GRSF1: variants seen among roughly 807,000 people sequenced by gnomAD.
GRSF1 encodes G-rich sequence factor 1.
A neutral mutation model predicts 51.1 loss-of-function variants in GRSF1; 50 were observed. That is an observed-to-expected ratio of 0.98 (90% CI 0.78 to 1.24). The LOEUF (loss-of-function observed/expected upper bound fraction) is 1.24. GRSF1 is among the 50% of genes most tolerant of loss of function. The pLI, the probability that GRSF1 is intolerant of heterozygous loss-of-function variation, is 0.00. For missense variants in GRSF1, 700 were observed against 639.7 expected (o/e 1.09, Z -1.02); for synonymous variants, 293 against 253.3 (o/e 1.16, Z -1.49).
rs189988506 is a variant in GRSF1, at chr4:70,829,588, C to T, written c.951-1552G>A. Among the ~76,000 whole-genome samples, 18 of 152,044 alleles carry T rather than the reference C, an allele frequency of 1.2e-4. No individual in the cohort carries two copies. In the East Asian group the frequency reaches 2.5e-3, roughly 21 times the overall value. On this transcript the variant is annotated intron_variant, in intron 5 of 9. Transcript: ENST00000254799. The stretch of plus-strand genomic sequence containing the variant: ...AGGATTGCTTGAGCCCAGGAGGCCA[C>T]AACTGCAGTGAGCTGTATCACACAA...
chr4:70,837,368 G>T lies in GRSF1; in HGVS notation c.358-1054C>A, dbSNP rs143337898. ...TCACGAGGTCAGGAGTTCAAGACCA[G>T]CCTGGCCAACATGGCAAAACCCCAT... On this transcript the variant is annotated intron_variant, in intron 1 of 9. Transcript: ENST00000254799. 2.4e-4 allele frequency among the ~76,000 whole-genome samples: 36 copies of T among 151,930 alleles called. No homozygotes were observed. The East Asian group carries it at 6.8e-3, about 29-fold the overall frequency.
chr4:70,839,715 G>C lies in GRSF1; in HGVS notation c.113C>G (p.Ser38Cys). 1.3e-6 allele frequency: 2 copies of C among 1,492,238 alleles called. No individual in the cohort carries two copies. The highest frequency in any genetic ancestry group is 8.9e-7 in the Non-Finnish European group (1 of 1,129,404). The allele number at this position is 1,492,238 out of a possible 1,614,324, so 92.4% of individuals were successfully genotyped here. Residue 38 changes from serine (S) to cysteine (C), a missense_variant, in exon 1 of 10, where the codon TCT becomes TGT. Physicochemically the swap from Ser to Cys is moderately radical, Grantham distance 112. Transcript: ENST00000254799. Reference protein sequence around the residue: ...ACLPFYSAAGSIPSGVSGRRR... With the variant: ...ACLPFYSAAGCIPSGVSGRRR... The stretch of plus-strand genomic sequence containing the variant: ...GCGGCCCGAGACGCCCGACGGGATA[G>C]AGCCAGCGGCGGAGTAGAAGGGCAG...
upstream of GRSF1, among the ~76,000 whole-genome samples, chr4:70,841,678 A>G (rs1032961680): frequency 5.3e-5 from 8 of 152,132 alleles, no homozygotes; most frequent in African/African-American, 1.4e-4. Flanking sequence ...TTAAAGTTTG[A>G]CTTGTTTAAC....
At chr4:70,830,468 A>G (rs1733917259) in intron 5 of GRSF1, among the ~76,000 whole-genome samples, 1 of 150,852 alleles carries the variant, frequency 6.6e-6, no homozygotes, top group South Asian at 2.1e-4. Context: ...AAAAACACAC[A>G]CACACACAGA....
intron 2 of GRSF1, 58 bp downstream of exon 2, chr4:70,836,091 ACATACCTGC>A: frequency 1.1e-6 from 1 of 929,570 alleles, no homozygotes; most frequent in Non-Finnish European, 1.5e-6. Context: ...CTTAAAACAT[ACATACCTGC>A]TTGTGAGAAA....
At chr4:70,826,090 A>T in intron 7 of GRSF1, 34 bp downstream of exon 7, 1 of 1,579,674 alleles carries the variant, frequency 6.3e-7, no homozygotes, top group African/African-American at 1.4e-5. Flanking sequence ...TTTTGTTCAA[A>T]TCTATTGAGA....
intron 6 of GRSF1, among the ~76,000 whole-genome samples, chr4:70,826,915 T>C (rs1733758551): frequency 1.3e-5 from 2 of 152,184 alleles, no homozygotes; most frequent in Non-Finnish European, 1.5e-5. Flanking sequence ...GTTTAAAAAG[T>C]ATTTATGAAA....
upstream of GRSF1, chr4:70,839,896 C>G: frequency 7.2e-7 from 1 of 1,391,248 alleles, no homozygotes; most frequent in Non-Finnish European, 9.3e-7. Flanking sequence ...GAAGTGGAAT[C>G]CAGGGCCGGT....
intron 9 of GRSF1, 88 bp downstream of exon 9, chr4:70,824,206 G>A (rs2148836459): frequency 1.7e-6 from 1 of 597,432 alleles, no homozygotes; most frequent in South Asian, 1.7e-5. Context: ...CTGACCTCAG[G>A]TGGTCCGCCC....
At chr4:70,820,908 G>A (rs184301124) in intron 9 of GRSF1, 47 bp from the exon 10 acceptor site, 9 of 152,594 alleles carry the variant, frequency 5.9e-5, no homozygotes, top group African/African-American at 2.2e-4. Context: ...AGATGAAAAA[G>A]GATGGCACAC....
At position 70,832,289 on chromosome 4, in the gene GRSF1, A is replaced by G; in HGVS notation, c.814+18T>C. 6.2e-7 allele frequency: 1 copy of G among 1,609,818 alleles called. No individual in the cohort carries two copies. The highest frequency in any genetic ancestry group is 8.5e-7 in the Non-Finnish European group (1 of 1,176,948). On this transcript the variant is annotated intron_variant, in intron 4 of 9. Transcript: ENST00000254799. ...AAAAAAGATATGAGCTCCCAAGCAT[A>G]ATACAACTGCAAAGTACCTGCAAAG... is the stretch of plus-strand genomic sequence containing the variant.
At position 70,833,250 on chromosome 4, in the gene GRSF1, T is replaced by C. The variant is rs1802592; in HGVS notation, c.538A>G (p.Asn180Asp). The stretch of plus-strand genomic sequence containing the variant: ...CTGTTTAGGAGAAAATGTATTCCAT[T>C]CTCACCGTTGCGGATTCTGCAGTCT... ...FSDCRIRNGE[N>D]GIHFLLNRDG... Residue 180 changes from asparagine to aspartate, a missense_variant, in exon 3 of 10, where the codon AAT becomes GAT. Transcript: ENST00000254799. The C allele has an allele frequency of 6.2e-7, 1 of 1,613,928 alleles. No individual in the cohort carries two copies. The highest frequency in any genetic ancestry group is 1.1e-5 in the South Asian group (1 of 91,060).
In GRSF1 at chr4:70,816,760, T is replaced by C. The variant is rs1453910420; in HGVS notation, c.*4127A>G. ...AAAACAAAAACAAATTCCCATGACATGTATGCTGAAAGGATTAAAAGTGAA... is the reference window on the plus strand; with the variant it reads ...AAAACAAAAACAAATTCCCATGACACGTATGCTGAAAGGATTAAAAGTGAA... On this transcript the variant is annotated 3_prime_UTR_variant, in exon 10 of 10. Coordinates refer to ENST00000254799, the MANE Select transcript of GRSF1 (RefSeq NM_002092.4). The C allele has an allele frequency of 6.6e-6, 1 of 152,142 alleles. No individual in the cohort carries two copies. The highest frequency in any genetic ancestry group is 1.9e-4 in the East Asian group (1 of 5,176). 9.4% of individuals were successfully genotyped at this position (152,142 alleles called of 1,614,324 possible).
At position 70,820,535 on chromosome 4, in the gene GRSF1, A is replaced by C. The variant is rs1010258762; in HGVS notation, c.*352T>G. ...AGTTACTTTTTAAATGAAACCGTTT[A>C]AAGAACACTGCTGAATAAAAATATG... On this transcript the variant is annotated 3_prime_UTR_variant, in exon 10 of 10. Coordinates refer to ENST00000254799, the MANE Select transcript of GRSF1 (RefSeq NM_002092.4). The C allele has an allele frequency of 6.6e-6, 1 of 152,510 alleles. No homozygotes were observed. The allele number at this position is 152,510 out of a possible 1,614,324, so 9.4% of individuals were successfully genotyped here. A position where few individuals can be genotyped will look rare whatever the true frequency, so the allele number is the denominator to read the frequency against.
chr4:70,836,307 T>G lies in GRSF1; in HGVS notation c.365A>C (p.Lys122Thr), dbSNP rs4694082. ...TGGAAGGTCTTCCAGGTAAGTAGTT[T>G]TGGACTCCTTCCAAAGGAAATGAAG... ...VPTRSYSQES[K>T]TTYLEDLPPP... Residue 122 changes from lysine to threonine, a missense_variant, in exon 2 of 10, where the codon AAA becomes ACA. Physicochemically the swap from Lys to Thr is moderately conservative, Grantham distance 78 (BLOSUM62 -1). Transcript: ENST00000254799. 1.3e-6 allele frequency: 2 copies of G among 1,570,896 alleles called. No individual in the cohort carries two copies. Among genetic ancestry groups the G allele is most frequent in the Non-Finnish European group, 1.7e-6 (2 of 1,165,038 alleles).
Position 70,836,145 on chromosome 4 carries a change from A to C in GRSF1, c.514+13T>G. ...GAAAAAAAATAAATAAATAAAACAT[A>C]CATAAAATATACCTGAAAAAAAGTT... On this transcript the variant is annotated intron_variant, in intron 2 of 9. Transcript: ENST00000254799. 7.1e-7 allele frequency: 1 copy of C among 1,415,156 alleles called. No homozygotes were observed. Among genetic ancestry groups the C allele is most frequent in the South Asian group, 1.5e-5 (1 of 68,678 alleles). The allele number at this position is 1,415,156 out of a possible 1,614,324, so 87.7% of individuals were successfully genotyped here.
intron 2 of GRSF1, among the ~76,000 whole-genome samples, chr4:70,835,407 C>T (rs1174352296): frequency 7.1e-6 from 1 of 141,228 alleles, no homozygotes; most frequent in Non-Finnish European, 1.5e-5. Flanking sequence ...TCCAGCCTGG[C>T]GACAGAGCGA....
intron 8 of GRSF1, among the ~76,000 whole-genome samples, chr4:70,824,977 C>G (rs1442144855): frequency 6.6e-6 from 1 of 152,098 alleles, no homozygotes; most frequent in Non-Finnish European, 1.5e-5. Flanking sequence ...TGCCAGGCAC[C>G]TGTAATCCCA....
chr4:70,837,108 G>A (rs1734245054), intron 1 of GRSF1, among the ~76,000 whole-genome samples: 1 of 152,186 alleles, frequency 6.6e-6, no homozygotes, highest in Non-Finnish European at 1.5e-5. Flanking sequence ...CAGCTGGTAT[G>A]CCAGACCAAG....
Sources: gnomAD v4.1 joint callset for allele counts (sites outside exome capture counted in the v4.1 genomes callset) on GRCh38, gnomAD v4.1.1 for gene constraint, MANE v1.5 for transcripts, NCBI Gene and HGNC (gene_info 2026-07-23, HGNC 2026-07-21) for gene names.